Variants in SMYD3 observed in about 807,000 individuals in gnomAD.
SMYD3 encodes the protein SET and MYND domain containing 3.
A neutral mutation model predicts 57.7 loss-of-function variants in SMYD3; 36 were observed. The observed-to-expected ratio is 0.62, with a 90% CI of 0.48 to 0.82. The LOEUF is 0.82. SMYD3 is among the 40% of genes least tolerant of loss of function. The pLI is 0.00. For missense variants in SMYD3, 515 were observed against 538.8 expected (o/e 0.96, Z 0.44); for synonymous variants, 211 against 195.0 (o/e 1.08, Z -0.68).
At chr1:246,449,948 G>A (rs1020532898) in intron 1 of SMYD3, among the ~76,000 whole-genome samples, 2 of 152,140 alleles carry the variant, frequency 1.3e-5, no homozygotes, top group East Asian at 1.9e-4. Context: ...TCGGCATACC[G>A]TTTTGACTAC....
intron 9 of SMYD3, among the ~76,000 whole-genome samples, chr1:245,862,027 C>T (rs2051576210): frequency 6.6e-6 from 1 of 152,108 alleles, no homozygotes; most frequent in Admixed American, 6.6e-5. Context: ...CAGAACAGGT[C>T]TACTCCTCTG....
intron 5 of SMYD3, among the ~76,000 whole-genome samples, chr1:246,128,179 A>C (rs1033369303): frequency 2.0e-5 from 3 of 152,122 alleles, no homozygotes; most frequent in African/African-American, 7.2e-5. Flanking sequence ...CACGAGGCCT[A>C]ATGTGACTTT....
chr1:245,894,314 T>G (rs11582854), intron 8 of SMYD3, among the ~76,000 whole-genome samples: 2 of 8,738 alleles, frequency 2.3e-4, no homozygotes, highest in African/African-American at 8.3e-4. Flanking sequence ...CTCTGTAAAA[T>G]GAACCTATCA....
At chr1:245,886,549 G>C (rs1351777791) in intron 8 of SMYD3, among the ~76,000 whole-genome samples, 4 of 152,142 alleles carry the variant, frequency 2.6e-5, no homozygotes, top group Admixed American at 1.3e-4. Flanking sequence ...CCTGTAAGCA[G>C]ATGAGTATTT....
chr1:246,391,854 C>A (rs1005720923), intron 1 of SMYD3, among the ~76,000 whole-genome samples: 1 of 152,112 alleles, frequency 6.6e-6, no homozygotes, highest in African/African-American at 2.4e-5. Context: ...TCAGCACAAC[C>A]CATGGCAGCA....
rs1463982134 is a variant in SMYD3, at chr1:246,449,940, G to A, written c.164+57114C>T. Among the ~76,000 whole-genome samples, 6 of 152,094 alleles carry A rather than the reference G, an allele frequency of 3.9e-5. No homozygotes were observed. The South Asian group carries it at 6.2e-4, about 16-fold the overall frequency. On this transcript the variant is annotated intron_variant, in intron 1 of 11. Coordinates refer to ENST00000490107, the MANE Select transcript of SMYD3 (RefSeq NM_001167740.2). ...ACTAAAAGATGAGTGTTGCAGCTTC[G>A]GCATACCGTTTTGACTACTGTGACA...
chr1:246,478,165 T>TA (rs1326459796), intron 1 of SMYD3, among the ~76,000 whole-genome samples: 1 of 152,160 alleles, frequency 6.6e-6, no homozygotes, highest in African/African-American at 2.4e-5. Flanking sequence ...CAAAACAATT[T>TA]AAAAAAATTA....
At chr1:246,099,309 T>G (rs566776294) in intron 5 of SMYD3, among the ~76,000 whole-genome samples, 2 of 152,252 alleles carry the variant, frequency 1.3e-5, no homozygotes, top group East Asian at 3.9e-4. Flanking sequence ...CCCATCTGCT[T>G]CTCTGTGGCA....
chr1:246,292,164 C>A (rs372156114), intron 5 of SMYD3, among the ~76,000 whole-genome samples: 417 of 126,628 alleles, frequency 3.3e-3, no homozygotes, highest in African/African-American at 0.011. Flanking sequence ...TCCAACACAC[C>A]AGCATCTTAG....
intron 5 of SMYD3, among the ~76,000 whole-genome samples, chr1:246,064,368 T>TA (rs2060306200): frequency 6.6e-6 from 1 of 152,238 alleles, no homozygotes; most frequent in Non-Finnish European, 1.5e-5. Flanking sequence ...ACTGAACTAT[T>TA]AAATGCAGTT....
At chr1:246,346,787 G>A (rs906293761) in intron 2 of SMYD3, among the ~76,000 whole-genome samples, 4 of 152,094 alleles carry the variant, frequency 2.6e-5, no homozygotes, top group East Asian at 1.9e-4. Flanking sequence ...ACCAAACTAT[G>A]TCACATACTA....
At chr1:245,774,597 AG>A (rs1196564330) in intron 10 of SMYD3, among the ~76,000 whole-genome samples, 1 of 152,152 alleles carries the variant, frequency 6.6e-6, no homozygotes, top group African/African-American at 2.4e-5. Context: ...AAACCACTGA[AG>A]TATACACTTT....
chr1:246,199,089 C>A (rs1306425612), intron 5 of SMYD3, among the ~76,000 whole-genome samples: 1 of 151,812 alleles, frequency 6.6e-6, no homozygotes, highest in African/African-American at 2.4e-5. Context: ...AGCCTAGTAC[C>A]CAATGGGTAG....
chr1:246,069,485 G>A (rs2060404939), intron 5 of SMYD3, among the ~76,000 whole-genome samples: 1 of 152,164 alleles, frequency 6.6e-6, no homozygotes, highest in African/African-American at 2.4e-5. Flanking sequence ...ATGTGCATTT[G>A]TTTTTGCCAA....
At chr1:245,835,133 T>G (rs1472446816) in intron 10 of SMYD3, among the ~76,000 whole-genome samples, 1 of 150,506 alleles carries the variant, frequency 6.6e-6, no homozygotes, top group African/African-American at 2.4e-5. Flanking sequence ...TTTTTTTTTT[T>G]TTTTTGAGAG....
rs541797056 is a variant in SMYD3, at chr1:246,284,712, A to G, written c.531+42489T>C. ...ATTACAGGCATGAGCCACCGCGCCC[A>G]GCCTCTAATTCTTTTATTTTTCTTT... On this transcript the variant is annotated intron_variant, in intron 5 of 11. Transcript: ENST00000490107. Among the ~76,000 whole-genome samples, 314 of 152,128 alleles carry G rather than the reference A, an allele frequency of 2.1e-3. 1 individual carries two copies. Among genetic ancestry groups the G allele is most frequent in the Middle Eastern group, 3.4e-3 (1 of 294 alleles).
chr1:246,281,856 C>G (rs2064449321), intron 5 of SMYD3, among the ~76,000 whole-genome samples: 1 of 152,140 alleles, frequency 6.6e-6, no homozygotes, highest in East Asian at 1.9e-4. Context: ...TATGTCAATA[C>G]AGCTCATACT....
At position 246,073,488 on chromosome 1, in the gene SMYD3, G is replaced by A. The variant is rs144985329; in HGVS notation, c.532-143551C>T. Among the ~76,000 whole-genome samples, 1,250 of 152,176 alleles carry A rather than the reference G, an allele frequency of 8.2e-3. 20 individuals are homozygous for A. Among genetic ancestry groups the A allele is most frequent in the African/African-American group, 0.029 (1,188 of 41,516 alleles). On this transcript the variant is annotated intron_variant, in intron 5 of 11. Coordinates refer to ENST00000490107, the MANE Select transcript of SMYD3 (RefSeq NM_001167740.2). Reference sequence around the variant, plus strand: ...TCTCAGCACTTTGGGAGGCCAAGGCGGGCAGATCGCTTGAGCCCAGGAGTT... The same window carrying A: ...TCTCAGCACTTTGGGAGGCCAAGGCAGGCAGATCGCTTGAGCCCAGGAGTT...
intron 1 of SMYD3, among the ~76,000 whole-genome samples, chr1:246,436,383 G>GGGGC (rs1206989203): frequency 6.6e-6 from 1 of 152,040 alleles, no homozygotes; most frequent in Non-Finnish European, 1.5e-5. Flanking sequence ...GTTTAAAAGG[G>GGGGC]GGGCCTACAA....
Sources: gnomAD v4.1 joint callset for allele counts (sites outside exome capture counted in the v4.1 genomes callset) on GRCh38, gnomAD v4.1.1 for gene constraint, MANE v1.5 for transcripts, NCBI Gene and HGNC (gene_info 2026-07-23, HGNC 2026-07-21) for gene names.